The following RBMS1 variants were observed in gnomAD, a reference collection of about 807,000 sequenced individuals.
RBMS1 encodes the protein RNA-binding motif, single-stranded-interacting protein 1.
Under a neutral mutation model 62.3 loss-of-function variants are expected in RBMS1, and 17 were observed. The observed-to-expected ratio is 0.27, with a 90% CI of 0.19 to 0.41. The LOEUF is 0.41. Among genes scored for constraint, RBMS1 ranks in the 10% least tolerant of loss-of-function variants. The pLI, the probability that RBMS1 is intolerant of heterozygous loss-of-function variation, is 1.00. For missense variants in RBMS1, 334 were observed against 504.5 expected (o/e 0.66, Z 3.24); for synonymous variants, 172 against 170.0 (o/e 1.01, Z -0.09).
intron 1 of RBMS1, among the ~76,000 whole-genome samples, chr2:160,425,260 T>C (rs1332459283): frequency 1.3e-5 from 2 of 152,256 alleles, no homozygotes; most frequent in Non-Finnish European, 2.9e-5. Context: ...ACTATTACAG[T>C]GAATCCTTTT....
chr2:160,351,108 T>C (rs1692470588), intron 2 of RBMS1, among the ~76,000 whole-genome samples: 3 of 144,224 alleles, frequency 2.1e-5, no homozygotes, highest in South Asian at 4.3e-4. Context: ...TTCTCACTCA[T>C]AGGTGGGAAC....
At chr2:160,378,422 G>A (rs140753278) in intron 1 of RBMS1, among the ~76,000 whole-genome samples, 1 of 152,088 alleles carries the variant, frequency 6.6e-6, no homozygotes, top group Non-Finnish European at 1.5e-5. Context: ...AGATCAGCCT[G>A]GGCAACATAG....
intron 2 of RBMS1, among the ~76,000 whole-genome samples, chr2:160,318,863 A>G (rs1690383636): frequency 6.6e-6 from 1 of 152,242 alleles, no homozygotes; most frequent in African/African-American, 2.4e-5. Context: ...ATTATACAGT[A>G]AACTCACTTT....
At chr2:160,280,326 A>C (rs746409125) in intron 10 of RBMS1, among the ~76,000 whole-genome samples, 9 of 152,184 alleles carry the variant, frequency 5.9e-5, no homozygotes, top group Non-Finnish European at 1.0e-4. Flanking sequence ...TATCACACAA[A>C]ACGTATACAT....
At chr2:160,477,566 CTTTTT>C (rs953979642) in intron 1 of RBMS1, among the ~76,000 whole-genome samples, 3 of 145,526 alleles carry the variant, frequency 2.1e-5, no homozygotes, top group African/African-American at 7.6e-5. Flanking sequence ...CCATGCCTGG[CTTTTT>C]TTTTTTAATT....
intron 9 of RBMS1, chr2:160,281,974 A>C (rs547177800): frequency 4.7e-6 from 1 of 213,356 alleles, no homozygotes; most frequent in South Asian, 7.3e-5. Context: ...TCTACAGTCA[A>C]ATGGGCATCC....
chr2:160,481,787 C>CAAA (rs1399083646), intron 1 of RBMS1, among the ~76,000 whole-genome samples: 6 of 152,138 alleles, frequency 3.9e-5, no homozygotes, highest in African/African-American at 1.2e-4. Context: ...CAGGAAAATG[C>CAAA]AAATTAAAAC....
intron 1 of RBMS1, among the ~76,000 whole-genome samples, chr2:160,405,281 G>T (rs1353875730): frequency 6.0e-5 from 9 of 150,158 alleles, no homozygotes; most frequent in Non-Finnish European, 1.3e-4. Context: ...TGGCAAATTA[G>T]CTGAGATCAG....
chr2:160,289,592 G>GT (rs1350887517), intron 6 of RBMS1, among the ~76,000 whole-genome samples: 1 of 152,174 alleles, frequency 6.6e-6, no homozygotes, highest in African/African-American at 2.4e-5. Context: ...GGATACAGTG[G>GT]TAGATAAAAC....
rs111939703 is a variant in RBMS1, at chr2:160,345,884, C to T, written c.251+21332G>A. Among the ~76,000 whole-genome samples the T allele has an allele frequency of 8.3e-4, 126 of 152,120 alleles. 1 individual carries two copies. Among genetic ancestry groups the T allele is most frequent in the African/African-American group, 3.0e-3 (123 of 41,510 alleles). On this transcript the variant is annotated intron_variant, in intron 2 of 13. Coordinates refer to ENST00000348849, the MANE Select transcript of RBMS1 (RefSeq NM_016836.4). ...TTAAAACTTAAAGAAGGTTGGATAC[C>T]ACTGTAACAGTCCAGGCTATACAAA...
chr2:160,324,569 C>T (rs1690780342), intron 2 of RBMS1, among the ~76,000 whole-genome samples: 2 of 151,688 alleles, frequency 1.3e-5, no homozygotes, highest in South Asian at 2.1e-4. Flanking sequence ...AAAAAAGATA[C>T]TTTAACTTTG....
chr2:160,493,560 CTCCTCCTCCTCT>C lies in RBMS1; in HGVS notation c.-209_-198del, dbSNP rs1343385327. On this transcript the variant is annotated 5_prime_UTR_variant, in exon 1 of 14. Transcript: ENST00000348849. ...CCTCCTCTTCCTCCTCCTCCTCCTC[CTCCTCCTCCTCT>C]TCCTCCTCCTCCTCCTCCTCCCAGG... 25 of 620,768 alleles carry C rather than the reference CTCCTCCTCCTCT, an allele frequency of 4.0e-5. No homozygotes were observed. Among genetic ancestry groups the C allele is most frequent in the African/African-American group, 1.4e-4 (7 of 51,696 alleles). The allele number at this position is 620,768 out of a possible 1,614,324, so 38.5% of individuals were successfully genotyped here. A position where few individuals can be genotyped will look rare whatever the true frequency, so the allele number is the denominator to read the frequency against.
At chr2:160,351,991 A>G (rs1692540509) in intron 2 of RBMS1, among the ~76,000 whole-genome samples, 1 of 152,134 alleles carries the variant, frequency 6.6e-6, no homozygotes, top group African/African-American at 2.4e-5. Flanking sequence ...AGGTAAGTGA[A>G]GAAAAAATCA....
intron 1 of RBMS1, among the ~76,000 whole-genome samples, chr2:160,419,885 G>C (rs192446586): frequency 4.6e-5 from 7 of 152,332 alleles, no homozygotes; most frequent in Admixed American, 2.6e-4. Flanking sequence ...TAAACCCATT[G>C]AGAAATGCTG....
chr2:160,318,272 A>G, intron 2 of RBMS1, 45 bp from the exon 3 acceptor site: 1 of 1,496,598 alleles, frequency 6.7e-7, no homozygotes, highest in Non-Finnish European at 8.8e-7. Context: ...GAAAAGAAAG[A>G]AAAAGAAGTT....
At chr2:160,331,413 G>GC (rs990086306) in intron 2 of RBMS1, among the ~76,000 whole-genome samples, 6 of 152,224 alleles carry the variant, frequency 3.9e-5, no homozygotes, top group Admixed American at 2.0e-4. Flanking sequence ...TCTGCACTCT[G>GC]CCCATGGCAT....
At position 160,285,102 on chromosome 2, in the gene RBMS1, C is replaced by A. The variant is rs72969028; in HGVS notation, c.757-58G>T. Reference sequence around the variant, plus strand: ...TCTAGAAAGGCATGATTTAAAAATTCTATTTTTAGCCAGGTGTGGTGGTGT... The same window carrying A: ...TCTAGAAAGGCATGATTTAAAAATTATATTTTTAGCCAGGTGTGGTGGTGT... On this transcript the variant is annotated intron_variant, in intron 7 of 13. Transcript: ENST00000348849. The A allele has an allele frequency of 3.0e-3, 4,647 of 1,534,094 alleles. 6 individuals carry two copies. The highest frequency in any genetic ancestry group is 4.0e-3 in the Non-Finnish European group (4,382 of 1,107,914).
rs560509233 is a variant in RBMS1, at chr2:160,288,280, G to A, written c.641-1196C>T. 5.5e-4 allele frequency among the ~76,000 whole-genome samples: 84 copies of A among 152,170 alleles called. 1 individual carries two copies. The highest frequency in any genetic ancestry group is 1.6e-3 in the African/African-American group (66 of 41,496). ...TTCTGTTTCAAAGTTAAATAACCAC[G>A]AAGAGAAAAATATTACTTGTGGAAA... On this transcript the variant is annotated intron_variant, in intron 6 of 13. Transcript: ENST00000348849.
At chr2:160,431,620 T>G (rs772872111) in intron 1 of RBMS1, among the ~76,000 whole-genome samples, 3 of 151,808 alleles carry the variant, frequency 2.0e-5, no homozygotes, top group Non-Finnish European at 2.9e-5. Flanking sequence ...TCATACTTAT[T>G]TCTCCAGTAC....
Sources: allele counts gnomAD v4.1 joint callset (sites outside exome capture counted in the v4.1 genomes callset), GRCh38; gene constraint gnomAD v4.1.1; transcripts MANE v1.5; gene names NCBI Gene and HGNC (gene_info 2026-07-23, HGNC 2026-07-21).